The following HIF3A variants were observed in gnomAD, a reference collection of about 807,000 sequenced individuals.
HIF3A encodes hypoxia inducible factor 3 subunit alpha.
A neutral mutation model predicts 67.2 loss-of-function variants in HIF3A; 41 were observed. The ratio of observed to expected loss-of-function variants is 0.61; its 90% CI spans 0.48 to 0.79. The LOEUF (loss-of-function observed/expected upper bound fraction) is 0.79, where lower values mean the gene tolerates loss of function less well. HIF3A is among the 30% of genes least tolerant of loss of function. HIF3A has a pLI of 0.00. For missense variants in HIF3A, 855 were observed against 898.0 expected, an observed-to-expected ratio of 0.95 and a Z score of 0.61; for synonymous variants, 356 against 374.8, an observed-to-expected ratio of 0.95 and a Z score of 0.58.
intron 1 of HIF3A, among the ~76,000 whole-genome samples, chr19:46,303,317 T>C (rs985832086): frequency 1.3e-5 from 2 of 152,228 alleles, no homozygotes; most frequent in African/African-American, 4.8e-5. Context: ...AACAGGTTGC[T>C]TTGCTGTGTC....
intron 12 of HIF3A, 50 bp from the exon 13 acceptor site, chr19:46,331,106 C>T (rs1971180430): frequency 6.8e-7 from 1 of 1,462,598 alleles, no homozygotes. Flanking sequence ...CTGTTATCCA[C>T]ACTTGCCCAG....
chr19:46,343,191 C>T lies in HIF3A; in HGVS notation c.*3569C>T, dbSNP rs1971990688. ...CCCACAGGAAAAGGCCTCCCCCCTTCTTAGCCCCATTTACCCCGTTTGTGG... is the reference window on the plus strand; with the variant it reads ...CCCACAGGAAAAGGCCTCCCCCCTTTTTAGCCCCATTTACCCCGTTTGTGG... On this transcript the variant is annotated 3_prime_UTR_variant, in exon 15 of 15. Coordinates refer to ENST00000377670, the MANE Select transcript of HIF3A (RefSeq NM_152795.4). 6.5e-6 allele frequency: 1 copy of T among 152,940 alleles called. No individual in the cohort carries two copies. The highest frequency in any genetic ancestry group is 6.5e-5 in the Admixed American group (1 of 15,278). 9.5% of individuals were successfully genotyped at this position (152,940 alleles called of 1,614,324 possible). A position where few individuals can be genotyped will look rare whatever the true frequency, so the allele number is the denominator to read the frequency against.
chr19:46,309,857 C>T (rs763699480), intron 6 of HIF3A, among the ~76,000 whole-genome samples: 3 of 151,934 alleles, frequency 2.0e-5, no homozygotes, highest in Non-Finnish European at 4.4e-5. Flanking sequence ...GAGGCCGATG[C>T]GGGAGAATTG....
At chr19:46,305,163 G>C in intron 2 of HIF3A, 82 bp from the exon 3 acceptor site, 2 of 1,597,780 alleles carry the variant, frequency 1.3e-6, no homozygotes, top group Non-Finnish European at 1.7e-6. Flanking sequence ...AGGAAAGGCA[G>C]AGGGAGGCTA....
At chr19:46,298,359 G>A (rs939173786) in intron 1 of HIF3A, 24 of 1,278,896 alleles carry the variant, frequency 1.9e-5, no homozygotes, top group African/African-American at 1.4e-4. Flanking sequence ...GGCTGAGCTC[G>A]GGTGCCCCCC....
chr19:46,335,772 T>G (rs1971565445), intron 14 of HIF3A, among the ~76,000 whole-genome samples: 1 of 151,944 alleles, frequency 6.6e-6, no homozygotes, highest in Non-Finnish European at 1.5e-5. Context: ...GGTGAGTGTT[T>G]CCTGCCTGTA....
In HIF3A at chr19:46,331,117, G is replaced by T. The variant is rs1483987407; in HGVS notation, c.1713-39G>T. The T allele has an allele frequency of 2.6e-6, 4 of 1,539,968 alleles. No homozygotes were observed. The South Asian group carries it at 4.6e-5, about 18-fold the overall frequency. On this transcript the variant is annotated intron_variant, in intron 12 of 14. Transcript: ENST00000377670. Reference sequence around the variant, plus strand: ...TACACTGTTATCCACACTTGCCCAGGTTTGCTGTGTCCTGAGATTCTTGCC... The same window carrying T: ...TACACTGTTATCCACACTTGCCCAGTTTTGCTGTGTCCTGAGATTCTTGCC...
At position 46,340,464 on chromosome 19, in the gene HIF3A, TTCTTCCTCTTCCTCTTCCTCCTGCTCC is replaced by T. The variant is rs1156710748; in HGVS notation, c.*854_*880del. 1 of 155,494 alleles carries T rather than the reference TTCTTCCTCTTCCTCTTCCTCCTGCTCC, an allele frequency of 6.4e-6. No homozygotes were observed. Among genetic ancestry groups the T allele is most frequent in the African/African-American group, 2.4e-5 (1 of 41,468 alleles). The allele number at this position is 155,494 out of a possible 1,614,324, so 9.6% of individuals were successfully genotyped here. On this transcript the variant is annotated 3_prime_UTR_variant, in exon 15 of 15. Transcript: ENST00000377670. ...CTTTAGATCACCTTCTTCTTCTTCCTTCTTCCTCTTCCTCTTCCTCCTGCTCCTCTTCCTCTTCTTCTTCTTTTTTTT... is the reference window on the plus strand; with the variant it reads ...CTTTAGATCACCTTCTTCTTCTTCCTTCTTCCTCTTCTTCTTCTTTTTTTT...
At position 46,339,797 on chromosome 19, in the gene HIF3A, C is replaced by G. The variant is rs1032031330; in HGVS notation, c.*175C>G. ...CCTCACCCCTCTGCCTGCTCCCAAT[C>G]TGGGGGCTCTCTGGGGTGGTCTCAG... On this transcript the variant is annotated 3_prime_UTR_variant, in exon 15 of 15. Transcript: ENST00000377670. The G allele has an allele frequency of 6.8e-6, 3 of 443,488 alleles. No homozygotes were observed. The highest frequency in any genetic ancestry group is 1.2e-5 in the Non-Finnish European group (3 of 250,876). 27.5% of individuals were successfully genotyped at this position (443,488 alleles called of 1,614,324 possible).
chr19:46,324,856 A>G (rs1970635357), intron 10 of HIF3A, among the ~76,000 whole-genome samples: 1 of 149,698 alleles, frequency 6.7e-6, no homozygotes, highest in African/African-American at 2.5e-5. Context: ...TCCCTTTCAA[A>G]AAAAAAGTCT....
At chr19:46,298,418 G>C in intron 1 of HIF3A, 1 of 1,288,300 alleles carries the variant, frequency 7.8e-7, no homozygotes, top group Non-Finnish European at 1.0e-6. Context: ...TCACCGCCGT[G>C]CGCACCCACT....
intron 4 of HIF3A, 141 bp from the exon 5 acceptor site, chr19:46,308,522 C>G (rs1969111559): frequency 1.6e-6 from 1 of 643,430 alleles, no homozygotes; most frequent in Non-Finnish European, 2.7e-6. Flanking sequence ...GGGACACATA[C>G]TACCCCTGGG....
chr19:46,317,280 C>A (rs150163812), intron 8 of HIF3A, among the ~76,000 whole-genome samples: 8,486 of 152,080 alleles, frequency 0.056, 445 homozygotes, highest in African/African-American at 0.13. Flanking sequence ...GTCTCAAACT[C>A]TTGGGCTCAA....
intron 3 of HIF3A, among the ~76,000 whole-genome samples, chr19:46,307,303 TC>T (rs1391428276): frequency 1.3e-5 from 2 of 152,196 alleles, no homozygotes. Flanking sequence ...AGTCACCGTG[TC>T]CATACCATTT....
At chr19:46,315,122 A>G (rs979066656) in intron 8 of HIF3A, among the ~76,000 whole-genome samples, 1 of 145,866 alleles carries the variant, frequency 6.9e-6, no homozygotes, top group Non-Finnish European at 1.5e-5. Context: ...CCAGGAGTGC[A>G]CTGGTGCAAT....
chr19:46,331,161 T>A lies in HIF3A; in HGVS notation c.1718T>A (p.Leu573Gln), dbSNP rs563780171. 6.2e-7 allele frequency: 1 copy of A among 1,612,166 alleles called. No homozygotes were observed. Among genetic ancestry groups the A allele is most frequent in the Non-Finnish European group, 8.5e-7 (1 of 1,178,704 alleles). The change falls in exon 13 of 15, where the codon CTG (leucine) becomes CAG (glutamine). Residue 573 changes from leucine (L) to glutamine (Q), a missense_variant. Leu to Gln is a moderately radical substitution (Grantham distance 113). Transcript: ENST00000377670. Reference protein sequence around the residue: ...SPMAGARKRTLAQSSEDEDEG... With the variant: ...SPMAGARKRTQAQSSEDEDEG... ...TCTTGCCTGTTTTCCTCCAGGACCC[T>A]GGCCCAGAGCTCAGAGGACGAGGAC...
rs563610645 is a variant in HIF3A at position 46,298,069 on chromosome 19, TTC to T, written c.26+968_26+969del. 1.5e-3 allele frequency among the ~76,000 whole-genome samples: 223 copies of T among 152,222 alleles called. 1 individual carries two copies. Among genetic ancestry groups the T allele is most frequent in the African/African-American group, 4.8e-3 (198 of 41,542 alleles). The stretch of plus-strand genomic sequence containing the variant: ...TGCCGGGGGGTTTTATCTGGCCATG[TTC>T]CCATGGGACCCTGGAAAATGTTCTA... On this transcript the variant is annotated intron_variant, in intron 1 of 14. Coordinates refer to ENST00000377670, the MANE Select transcript of HIF3A (RefSeq NM_152795.4).
intron 1 of HIF3A, chr19:46,303,676 G>A (rs747081253): frequency 1.3e-6 from 2 of 1,587,250 alleles, no homozygotes; most frequent in Non-Finnish European, 1.7e-6. Context: ...CCATGGACTG[G>A]CAAGACCACA....
At chr19:46,338,880 C>T (rs913738523) in intron 14 of HIF3A, among the ~76,000 whole-genome samples, 3 of 152,158 alleles carry the variant, frequency 2.0e-5, no homozygotes, top group Admixed American at 2.0e-4. Flanking sequence ...ACGTCACTGC[C>T]GTTTGAATCC....
Sources: allele counts gnomAD v4.1 joint callset (sites outside exome capture counted in the v4.1 genomes callset), GRCh38; gene constraint gnomAD v4.1.1; transcripts MANE v1.5; gene names NCBI Gene and HGNC (gene_info 2026-07-23, HGNC 2026-07-21).